Variants in COG5 observed in about 807,000 individuals in gnomAD.
COG5 encodes the protein conserved oligomeric Golgi complex subunit 5.
A neutral mutation model predicts 110.4 loss-of-function variants in COG5; 86 were observed. The ratio of observed to expected loss-of-function variants is 0.78; its 90% CI spans 0.65 to 0.93. The LOEUF is 0.93. Ranked by LOEUF, COG5 falls within the 40% of genes least tolerant of loss-of-function variation. The pLI is 0.00. For synonymous variants in COG5, 360 were observed against 334.6 expected (o/e 1.08, Z -0.83); for missense variants, 1,077 against 987.0 (o/e 1.09, Z -1.22).
intron 6 of COG5, 74 bp downstream of exon 6, chr7:107,527,163 A>C: frequency 7.3e-7 from 1 of 1,376,580 alleles, no homozygotes; most frequent in Non-Finnish European, 9.8e-7. Flanking sequence ...TGATAACAAA[A>C]GTCAACCAAT....
At chr7:107,485,416 T>C (rs1403816449) in intron 6 of COG5, among the ~76,000 whole-genome samples, 2 of 152,216 alleles carry the variant, frequency 1.3e-5, no homozygotes. Context: ...TTTATCACCA[T>C]TGTCAAATAC....
At chr7:107,262,765 AAAAAATAGAAGCAATCAG>A in intron 14 of COG5, among the ~76,000 whole-genome samples, 1 of 152,174 alleles carries the variant, frequency 6.6e-6, no homozygotes, top group East Asian at 1.9e-4. Context: ...TATTTCCCTG[AAAAAATAGAAGCAATCAG>A]AAAACTCCTG....
chr7:107,296,191 CTTTCTTTCTT>C lies in COG5; in HGVS notation c.1313+1941_1313+1950del, dbSNP rs1415399193. 1.7e-3 allele frequency among the ~76,000 whole-genome samples: 230 copies of C among 132,022 alleles called. 4 individuals are homozygous for C. Among genetic ancestry groups the C allele is most frequent in the Non-Finnish European group, 1.4e-3 (89 of 63,218 alleles). 86.6% of individuals were successfully genotyped at this position (132,022 alleles called of 152,430 possible). ...TCTCCCTCTCTTTTCTTTTCTTTCT[CTTTCTTTCTT>C]TTTCTTTCTTTCACACAAGGAACAT... is the stretch of plus-strand genomic sequence containing the variant. On this transcript the variant is annotated intron_variant, in intron 12 of 21. Coordinates refer to ENST00000297135, the MANE Select transcript of COG5 (RefSeq NM_006348.5).
At chr7:107,429,330 A>G (rs189006150) in intron 6 of COG5, among the ~76,000 whole-genome samples, 1 of 152,272 alleles carries the variant, frequency 6.6e-6, no homozygotes, top group Admixed American at 6.5e-5. Context: ...TTGGGGGTGT[A>G]AAGTGGTATA....
intron 6 of COG5, among the ~76,000 whole-genome samples, chr7:107,442,184 T>G (rs535212960): frequency 6.6e-5 from 10 of 152,256 alleles, no homozygotes; most frequent in Admixed American, 2.0e-4. Context: ...CTCAAGAGAT[T>G]TGGCTGTTTA....
chr7:107,309,210 T>C (rs569107955), intron 11 of COG5, among the ~76,000 whole-genome samples: 1 of 152,244 alleles, frequency 6.6e-6, no homozygotes, highest in East Asian at 1.9e-4. Flanking sequence ...ATGCTGAAAA[T>C]GCTATCATAT....
intron 7 of COG5, among the ~76,000 whole-genome samples, chr7:107,385,738 T>C (rs1288155164): frequency 2.6e-5 from 4 of 151,658 alleles, no homozygotes; most frequent in East Asian, 3.9e-4. Flanking sequence ...TTAATGAGTA[T>C]AGAGTTATCA....
intron 6 of COG5, among the ~76,000 whole-genome samples, chr7:107,424,512 T>A (rs1365293018): frequency 6.6e-6 from 1 of 151,832 alleles, no homozygotes; most frequent in Non-Finnish European, 1.5e-5. Context: ...AAACTTTTTT[T>A]TTTTTTTTGA....
chr7:107,248,560 A>G (rs928674572), intron 16 of COG5, 61 bp from the exon 17 acceptor site: 1 of 1,144,204 alleles, frequency 8.7e-7, no homozygotes, highest in Non-Finnish European at 1.3e-6. Flanking sequence ...CAACCCAAAG[A>G]AATTTGAGAT....
chr7:107,297,608 C>T (rs967628985), intron 12 of COG5, among the ~76,000 whole-genome samples: 1 of 151,858 alleles, frequency 6.6e-6, no homozygotes, highest in Non-Finnish European at 1.5e-5. Flanking sequence ...GCCACCATGC[C>T]CAGCTAATCT....
intron 19 of COG5, among the ~76,000 whole-genome samples, chr7:107,224,698 G>C (rs1259470700): frequency 6.6e-6 from 1 of 152,224 alleles, no homozygotes; most frequent in Non-Finnish European, 1.5e-5. Context: ...GAGAAGCTGA[G>C]GTAACAACCT....
At chr7:107,414,501 G>A (rs1792550621) in intron 6 of COG5, among the ~76,000 whole-genome samples, 1 of 151,686 alleles carries the variant, frequency 6.6e-6, no homozygotes, top group South Asian at 2.1e-4. Flanking sequence ...TAGATAAAAG[G>A]GAATTCAAGC....
intron 6 of COG5, among the ~76,000 whole-genome samples, chr7:107,490,573 G>T (rs535243529): frequency 6.6e-6 from 1 of 152,182 alleles, no homozygotes; most frequent in South Asian, 2.1e-4. Context: ...ACACAAATTT[G>T]TTGTTTAGTT....
At chr7:107,404,215 AAG>A (rs879651337) in intron 7 of COG5, among the ~76,000 whole-genome samples, 4 of 152,164 alleles carry the variant, frequency 2.6e-5, no homozygotes, top group Non-Finnish European at 4.4e-5. Flanking sequence ...CATACTCAAT[AAG>A]AGAGGATCAT....
chr7:107,237,657 A>G (rs1228758049), intron 17 of COG5, among the ~76,000 whole-genome samples: 1 of 152,240 alleles, frequency 6.6e-6, no homozygotes, highest in South Asian at 2.1e-4. Context: ...AGAAGCAGAT[A>G]GAGATAGAAG....
intron 6 of COG5, among the ~76,000 whole-genome samples, chr7:107,498,612 A>C (rs1798425287): frequency 6.6e-6 from 1 of 152,186 alleles, no homozygotes; most frequent in Non-Finnish European, 1.5e-5. Context: ...ATTATTAAAA[A>C]AAACAAACAA....
chr7:107,247,993 A>G (rs1261300059), intron 17 of COG5, among the ~76,000 whole-genome samples: 1 of 152,114 alleles, frequency 6.6e-6, no homozygotes, highest in Admixed American at 6.6e-5. Flanking sequence ...TGCCTATGCC[A>G]AGGGGTAACA....
Position 107,337,964 on chromosome 7 carries a change from C to G in COG5, c.1027-13443G>C, listed in dbSNP as rs1810847908. Among the ~76,000 whole-genome samples, 6 of 151,972 alleles carry G rather than the reference C, an allele frequency of 3.9e-5. No individual in the cohort carries two copies. The South Asian group carries it at 1.2e-3, about 32-fold the overall frequency. On this transcript the variant is annotated intron_variant, in intron 10 of 21. Coordinates refer to ENST00000297135, the MANE Select transcript of COG5 (RefSeq NM_006348.5). Reference sequence around the variant, plus strand: ...TAAAAACAGGATCAAAACCAGTATCCTCAGAATTGAGAGGTATTCCACTTC... The same window carrying G: ...TAAAAACAGGATCAAAACCAGTATCGTCAGAATTGAGAGGTATTCCACTTC...
chr7:107,340,451 G>A (rs1437422572), intron 10 of COG5, among the ~76,000 whole-genome samples: 2 of 151,876 alleles, frequency 1.3e-5, no homozygotes, highest in Admixed American at 6.6e-5. Flanking sequence ...CATAAAAAAG[G>A]GCTGGCACCA....
Sources: gnomAD v4.1 joint callset for allele counts (sites outside exome capture counted in the v4.1 genomes callset) on GRCh38, gnomAD v4.1.1 for gene constraint, MANE v1.5 for transcripts, NCBI Gene and HGNC (gene_info 2026-07-23, HGNC 2026-07-21) for gene names.